The following HMGCLL1 variants were observed in gnomAD, a reference collection of about 807,000 sequenced individuals.
The protein encoded by HMGCLL1 is 3-hydroxy-3-methylglutaryl-CoA lyase like 1, also known as 3-hydroxymethyl-3-methylglutaryl-CoA lyase, cytoplasmic.
Under a neutral mutation model 39.1 loss-of-function variants are expected in HMGCLL1, and 36 were observed. The ratio of observed to expected loss-of-function variants is 0.92; its 90% CI spans 0.71 to 1.22. The LOEUF is 1.22. Among genes scored for constraint, HMGCLL1 ranks in the 50% most tolerant of loss-of-function variants. HMGCLL1 has a pLI of 0.00. For missense variants in HMGCLL1, 451 were observed against 416.5 expected (o/e 1.08, Z -0.72); for synonymous variants, 149 against 144.0 (o/e 1.03, Z -0.25).
chr6:55,566,323 T>C (rs1422658600), intron 1 of HMGCLL1, among the ~76,000 whole-genome samples: 11 of 152,242 alleles, frequency 7.2e-5, no homozygotes, highest in East Asian at 3.9e-4. Context: ...TAGACCCTAT[T>C]GCTTCTTAAT....
At chr6:55,482,520 G>C (rs189543197) in intron 7 of HMGCLL1, among the ~76,000 whole-genome samples, 16 of 152,182 alleles carry the variant, frequency 1.1e-4, no homozygotes, top group Admixed American at 8.5e-4. Context: ...TCAAAGGAAA[G>C]TGTTCCAAAA....
the HMGCLL1 span, among the ~76,000 whole-genome samples, chr6:55,653,241 G>T: frequency 0.41 from 62,935 of 151,716 alleles, 13,572 homozygotes; most frequent in Middle Eastern, 0.56. Flanking sequence ...CAAAAAAAAA[G>T]TTCTTCCCCA....
At chr6:55,476,701 T>C (rs1218865296) in intron 7 of HMGCLL1, among the ~76,000 whole-genome samples, 1 of 151,728 alleles carries the variant, frequency 6.6e-6, no homozygotes, top group East Asian at 1.9e-4. Context: ...CTAGAATTTC[T>C]GGGATAAATC....
chr6:55,656,382 A>C, the HMGCLL1 span, among the ~76,000 whole-genome samples: 4 of 151,876 alleles, frequency 2.6e-5, no homozygotes, highest in African/African-American at 9.7e-5. Flanking sequence ...CTATCTTTTT[A>C]TTTTTCTTCC....
intron 7 of HMGCLL1, among the ~76,000 whole-genome samples, chr6:55,455,048 A>C (rs1248307619): frequency 6.6e-6 from 1 of 152,136 alleles, no homozygotes; most frequent in African/African-American, 2.4e-5. Flanking sequence ...TTGAGGCTGC[A>C]GTGAGCTATG....
At chr6:55,662,224 C>A in the HMGCLL1 span, among the ~76,000 whole-genome samples, 4 of 151,530 alleles carry the variant, frequency 2.6e-5, no homozygotes, top group Non-Finnish European at 5.9e-5. Flanking sequence ...CAATATTATG[C>A]TAAATAGGTG....
chr6:55,571,917 C>A (rs1771518363), intron 1 of HMGCLL1, among the ~76,000 whole-genome samples: 1 of 151,814 alleles, frequency 6.6e-6, no homozygotes, highest in South Asian at 2.1e-4. Context: ...ACATTTAAAG[C>A]AAAACAATAG....
At chr6:55,566,749 A>T in intron 1 of HMGCLL1, 1 of 380,660 alleles carries the variant, frequency 2.6e-6, no homozygotes, top group Non-Finnish European at 5.3e-6. Context: ...TTACAACAGT[A>T]GCCAAGAAAA....
chr6:55,534,817 C>T lies in HMGCLL1; in HGVS notation c.297+6912G>A, dbSNP rs376899212. The stretch of plus-strand genomic sequence containing the variant: ...AAAGATTATTTGGTGTGCGGGTAAT[C>T]GAAGAACCAACACAAATTTACTAAC... On this transcript the variant is annotated intron_variant, in intron 3 of 8. Coordinates refer to ENST00000274901, the MANE Select transcript of HMGCLL1 (RefSeq NM_001042406.2). Among the ~76,000 whole-genome samples, 17 of 152,244 alleles carry T rather than the reference C, an allele frequency of 1.1e-4. No individual in the cohort carries two copies. The South Asian group carries it at 3.3e-3, about 30-fold the overall frequency.
At chr6:55,598,791 C>T in the HMGCLL1 span, among the ~76,000 whole-genome samples, 1 of 152,116 alleles carries the variant, frequency 6.6e-6, no homozygotes, top group East Asian at 1.9e-4. Flanking sequence ...ACTGTTGTGG[C>T]TGTAAAACTA....
chr6:55,516,613 A>G lies in HMGCLL1; in HGVS notation c.298-10T>C, dbSNP rs1479427869. The G allele has an allele frequency of 2.0e-6, 3 of 1,537,418 alleles. No individual in the cohort carries two copies. The highest frequency in any genetic ancestry group is 1.7e-5 in the Admixed American group (1 of 59,526). On this transcript the variant is annotated splice_polypyrimidine_tract_variant and intron_variant, in intron 3 of 8. Coordinates refer to ENST00000274901, the MANE Select transcript of HMGCLL1 (RefSeq NM_001042406.2). The stretch of plus-strand genomic sequence containing the variant: ...CAGTGTGATCAGCCATCTTAAATAC[A>G]TAATAGTTATATGTAAATGTGTAAC...
chr6:55,508,158 T>C (rs545584713), intron 5 of HMGCLL1, among the ~76,000 whole-genome samples: 12 of 151,848 alleles, frequency 7.9e-5, no homozygotes, highest in Admixed American at 2.6e-4. Context: ...GATAACCATG[T>C]TTAGTCCAGG....
chr6:55,676,627 G>A, the HMGCLL1 span, among the ~76,000 whole-genome samples: 1 of 152,160 alleles, frequency 6.6e-6, no homozygotes, highest in Non-Finnish European at 1.5e-5. Context: ...CCCATGCTGA[G>A]CATATTTTTT....
chr6:55,451,808 G>A (rs888218429), intron 7 of HMGCLL1, among the ~76,000 whole-genome samples: 2 of 152,080 alleles, frequency 1.3e-5, no homozygotes, highest in African/African-American at 4.8e-5. Flanking sequence ...GAAAACAGTG[G>A]TTCTGACAAA....
At chr6:55,443,199 A>G (rs1305893171) in intron 7 of HMGCLL1, among the ~76,000 whole-genome samples, 1 of 152,154 alleles carries the variant, frequency 6.6e-6, no homozygotes, top group Non-Finnish European at 1.5e-5. Flanking sequence ...GTCAGCTTTA[A>G]CTTTAGAGAA....
intron 1 of HMGCLL1, among the ~76,000 whole-genome samples, chr6:55,558,196 C>A (rs1174979552): frequency 6.6e-6 from 1 of 152,152 alleles, no homozygotes; most frequent in Non-Finnish European, 1.5e-5. Flanking sequence ...GGTTACCCTA[C>A]TAAGGTTAAT....
intron 5 of HMGCLL1, among the ~76,000 whole-genome samples, chr6:55,505,438 T>A (rs4546489): frequency 0.68 from 102,298 of 151,418 alleles, 34,573 homozygotes; most frequent in Non-Finnish European, 0.7. Flanking sequence ...GGAATACACC[T>A]TTCTGTAAGC....
At chr6:55,589,440 A>G in the HMGCLL1 span, among the ~76,000 whole-genome samples, 3 of 152,226 alleles carry the variant, frequency 2.0e-5, no homozygotes, top group Non-Finnish European at 2.9e-5. Flanking sequence ...ACCCACAGCC[A>G]GTATCATACT....
At chr6:55,662,312 T>G in the HMGCLL1 span, among the ~76,000 whole-genome samples, 5 of 151,868 alleles carry the variant, frequency 3.3e-5, no homozygotes, top group African/African-American at 1.2e-4. Context: ...AGTTTGATAT[T>G]GGTTGTGGTT....
Sources: allele counts gnomAD v4.1 joint callset (sites outside exome capture counted in the v4.1 genomes callset), GRCh38; gene constraint gnomAD v4.1.1; transcripts MANE v1.5; gene names NCBI Gene and HGNC (gene_info 2026-07-23, HGNC 2026-07-21).